The following PPP2R1B variants were observed in gnomAD, a reference collection of about 807,000 sequenced individuals.
PPP2R1B encodes protein phosphatase 2 scaffold subunit Abeta.
PPP2R1B carries 58 observed loss-of-function variants against 72.7 expected under a neutral mutation model. That is an observed-to-expected ratio of 0.80 (90% confidence interval 0.65 to 0.99). The LOEUF is 0.99. Ranked by LOEUF, PPP2R1B falls within the 50% of genes least tolerant of loss-of-function variation. The probability of loss-of-function intolerance (pLI) is 0.00; values close to 1 mark genes in which losing one functional copy is unlikely to be tolerated. For synonymous variants in PPP2R1B, 256 were observed against 264.6 expected (o/e 0.97, Z 0.32); for missense variants, 695 against 733.6 (o/e 0.95, Z 0.61).
chr11:111,700,423 G>T, the PPP2R1B span, among the ~76,000 whole-genome samples: 1 of 152,160 alleles, frequency 6.6e-6, no homozygotes, highest in Non-Finnish European at 1.5e-5. Context: ...TGCCTTCAAG[G>T]GTTATATATC....
chr11:111,752,857 G>A (rs931298480), intron 9 of PPP2R1B, among the ~76,000 whole-genome samples: 4 of 152,162 alleles, frequency 2.6e-5, no homozygotes, highest in African/African-American at 9.7e-5. Context: ...CAGCTACTCA[G>A]GAGGCTGAGG....
intron 15 of PPP2R1B, chr11:111,729,598 G>A (rs1252857904): frequency 1.3e-5 from 2 of 152,236 alleles, no homozygotes; most frequent in Non-Finnish European, 2.9e-5. Context: ...TTCTAGTGCT[G>A]GAAGAAGCCC....
At chr11:111,755,712 C>T (rs943500522) in intron 5 of PPP2R1B, among the ~76,000 whole-genome samples, 6 of 151,774 alleles carry the variant, frequency 4.0e-5, no homozygotes, top group Non-Finnish European at 8.8e-5. Context: ...GCCTCAGCCT[C>T]CCGAGTAGCT....
chr11:111,756,468 C>G (rs1295404123), intron 5 of PPP2R1B, among the ~76,000 whole-genome samples: 1 of 151,662 alleles, frequency 6.6e-6, no homozygotes, highest in Non-Finnish European at 1.5e-5. Context: ...AATATTTGTA[C>G]AAGTTATTTA....
At chr11:111,736,107 A>G (rs909356735), downstream of PPP2R1B, among the ~76,000 whole-genome samples, 1 of 152,050 alleles carries the variant, frequency 6.6e-6, no homozygotes, top group Non-Finnish European at 1.5e-5. Context: ...GTTGGAGGAG[A>G]TTCATGAGGG....
chr11:111,722,196 C>G (rs1943822524), downstream of PPP2R1B, among the ~76,000 whole-genome samples: 1 of 152,194 alleles, frequency 6.6e-6, no homozygotes, highest in African/African-American at 2.4e-5. This position sits in a 1 kb window ranked among gnomAD's most constrained non-coding sequence, Gnocchi z 4.4. Flanking sequence ...AACGGGAGAC[C>G]TGGCTTCTTT....
chr11:111,720,398 C>G, the PPP2R1B span: 1 of 1,404,036 alleles, frequency 7.1e-7, no homozygotes, highest in Non-Finnish European at 9.6e-7. Flanking sequence ...TGTCAAAACT[C>G]AAGCTGGTTA....
At chr11:111,749,114 G>C (rs563126188) in intron 10 of PPP2R1B, among the ~76,000 whole-genome samples, 36 of 152,074 alleles carry the variant, frequency 2.4e-4, no homozygotes, top group Middle Eastern at 3.4e-3. Flanking sequence ...CAAAGTGCTG[G>C]GATTACAGGC....
chr11:111,730,109 G>A (rs1446951996), intron 15 of PPP2R1B: 1 of 152,162 alleles, frequency 6.6e-6, no homozygotes, highest in Non-Finnish European at 1.5e-5. Flanking sequence ...ATTACTTTTA[G>A]GATTAAAAAA....
chr11:111,755,876 C>T (rs1434786262), intron 5 of PPP2R1B, among the ~76,000 whole-genome samples: 1 of 152,044 alleles, frequency 6.6e-6, no homozygotes, highest in Non-Finnish European at 1.5e-5. Context: ...GGATTACAAG[C>T]GCGAGCCACT....
chr11:111,766,145 C>T, intron 1 of PPP2R1B, 103 bp downstream of exon 1: 2 of 1,097,832 alleles, frequency 1.8e-6, no homozygotes, highest in African/African-American at 1.6e-5. Context: ...ACGAGTCCGA[C>T]TCATTCAGTA....
chr11:111,735,706 C>T (rs138198232), downstream of PPP2R1B, among the ~76,000 whole-genome samples: 536 of 152,360 alleles, frequency 3.5e-3, 1 homozygote, highest in Middle Eastern at 6.8e-3. Flanking sequence ...TCCAATGGCT[C>T]CCTGAGGGCC....
At chr11:111,691,453 T>C in the PPP2R1B span, among the ~76,000 whole-genome samples, 1 of 152,118 alleles carries the variant, frequency 6.6e-6, no homozygotes, top group Non-Finnish European at 1.5e-5. Context: ...ATTAAAAAAT[T>C]GGCCGAGCTG....
the PPP2R1B span, among the ~76,000 whole-genome samples, chr11:111,691,238 T>C: frequency 5.9e-5 from 9 of 152,344 alleles, no homozygotes; most frequent in East Asian, 1.5e-3. Flanking sequence ...GTATCTAATC[T>C]TCAAGCCCTT....
rs1727848193 is a variant in PPP2R1B, at chr11:111,739,946, T to C, written c.*1650A>G. The stretch of plus-strand genomic sequence containing the variant: ...CAGACAGATAACCTCTGATTTACAA[T>C]TTCTATTTTTCGAATGTAGGACAAA... On this transcript the variant is annotated 3_prime_UTR_variant, in exon 15 of 15. Coordinates refer to ENST00000527614, the MANE Select transcript of PPP2R1B (RefSeq NM_002716.5). 5.1e-6 allele frequency: 5 copies of C among 979,426 alleles called. No homozygotes were observed. Among genetic ancestry groups the C allele is most frequent in the Admixed American group, 6.1e-5 (1 of 16,262 alleles). The allele number at this position is 979,426 out of a possible 1,614,324, so 60.7% of individuals were successfully genotyped here.
chr11:111,700,734 C>T, the PPP2R1B span: 1 of 873,802 alleles, frequency 1.1e-6, no homozygotes, highest in Non-Finnish European at 1.7e-6. Context: ...TGTGCTAATG[C>T]CAGGGAAACA....
At position 111,738,821 on chromosome 11, in the gene PPP2R1B, G is replaced by A. The variant is rs2136032382; in HGVS notation, c.*2775C>T. 2.0e-6 allele frequency: 2 copies of A among 985,358 alleles called. No individual in the cohort carries two copies. Among genetic ancestry groups the A allele is most frequent in the African/African-American group, 1.7e-5 (1 of 57,306 alleles). The allele number at this position is 985,358 out of a possible 1,614,324, so 61.0% of individuals were successfully genotyped here. On this transcript the variant is annotated 3_prime_UTR_variant, in exon 15 of 15. Coordinates refer to ENST00000527614, the MANE Select transcript of PPP2R1B (RefSeq NM_002716.5). ...GGGTAAACCCCACACAAATTACAGA[G>A]AGAAACACCAAGGTGAATTCCACTG... is the stretch of plus-strand genomic sequence containing the variant.
At chr11:111,737,840 G>A, downstream of PPP2R1B, 1 of 1,269,264 alleles carries the variant, frequency 7.9e-7, no homozygotes, top group Non-Finnish European at 1.0e-6. Flanking sequence ...GTCACTGATG[G>A]TCTCCAGAGC....
At chr11:111,714,568 T>C in the PPP2R1B span, among the ~76,000 whole-genome samples, 1 of 152,014 alleles carries the variant, frequency 6.6e-6, no homozygotes, top group Non-Finnish European at 1.5e-5. Context: ...TAGTGGCAGA[T>C]AGAGATGGTG....
Sources: allele counts gnomAD v4.1 joint callset (sites outside exome capture counted in the v4.1 genomes callset), GRCh38; gene constraint gnomAD v4.1.1; non-coding constraint Gnocchi (gnomAD v3.1); transcripts MANE v1.5; gene names NCBI Gene and HGNC (gene_info 2026-07-23, HGNC 2026-07-21).